Variants in PCLO observed in about 807,000 individuals in gnomAD.
PCLO encodes protein piccolo.
A neutral mutation model predicts 427.5 loss-of-function variants in PCLO; 82 were observed. The ratio of observed to expected loss-of-function variants is 0.19; its 90% CI spans 0.16 to 0.23. The LOEUF is 0.23. Among genes scored for constraint, PCLO ranks in the 10% least tolerant of loss-of-function variants. The pLI is 1.00. For synonymous variants in PCLO, 2,357 were observed against 2,155.4 expected, an observed-to-expected ratio of 1.09 and a Z score of -2.59; for missense variants, 6,239 against 6,115.9, an observed-to-expected ratio of 1.02 and a Z score of -0.67.
chr7:83,024,539 G>A (rs899961011), intron 3 of PCLO, among the ~76,000 whole-genome samples: 2 of 152,178 alleles, frequency 1.3e-5, no homozygotes, highest in South Asian at 2.1e-4. Flanking sequence ...AGGGGCGCCC[G>A]CCATTGCCCA....
At chr7:83,130,256 T>C (rs902268876) in intron 3 of PCLO, among the ~76,000 whole-genome samples, 4 of 152,176 alleles carry the variant, frequency 2.6e-5, no homozygotes, top group Non-Finnish European at 4.4e-5. Context: ...CTTAGTTCAC[T>C]GCAACCTCTG....
chr7:83,087,379 T>C (rs1475299486), intron 3 of PCLO, among the ~76,000 whole-genome samples: 1 of 151,902 alleles, frequency 6.6e-6, no homozygotes, highest in Non-Finnish European at 1.5e-5. Flanking sequence ...ATGGGAGCAC[T>C]AAAATCTCAG....
chr7:82,811,497 C>A (rs1247418382), intron 20 of PCLO, among the ~76,000 whole-genome samples: 1 of 151,380 alleles, frequency 6.6e-6, no homozygotes, highest in Non-Finnish European at 1.5e-5. Flanking sequence ...GAACGTGGAC[C>A]TGAAAATTTC....
intron 15 of PCLO, among the ~76,000 whole-genome samples, chr7:82,835,895 C>T (rs767507518): frequency 7.2e-5 from 11 of 152,076 alleles, no homozygotes; most frequent in Non-Finnish European, 1.2e-4. Context: ...CATTCCAAGG[C>T]CTTTGCTTGT....
intron 3 of PCLO, among the ~76,000 whole-genome samples, chr7:83,110,600 T>A (rs903696024): frequency 2.0e-5 from 3 of 152,192 alleles, no homozygotes; most frequent in African/African-American, 7.2e-5. Context: ...ACATCATTTC[T>A]ATTCTGATAA....
At position 82,955,705 on chromosome 7, in the gene PCLO, CTTTT is replaced by C. The variant is rs761208405; in HGVS notation, c.5244_5247del (p.Lys1749GlufsTer30). 1 of 1,613,922 alleles carries C rather than the reference CTTTT, an allele frequency of 6.2e-7. No homozygotes were observed. The highest frequency in any genetic ancestry group is 8.5e-7 in the Non-Finnish European group (1 of 1,179,862). On this transcript the variant is annotated frameshift_variant, in exon 5 of 25. Transcript: ENST00000333891. LOFTEE classifies it high-confidence loss of function. ...GCTTTGCGTTGCTGTTTGCTCTCTC[CTTTT>C]TTGTGACTCGGGCTACTGTCACTGT...
intron 1 of PCLO, among the ~76,000 whole-genome samples, chr7:83,158,562 T>A (rs552575031): frequency 2.9e-4 from 44 of 152,052 alleles, no homozygotes; most frequent in African/African-American, 1.0e-3. Context: ...TTCTTCTCTC[T>A]TGAAAATACT....
chr7:82,915,742 T>C lies in PCLO; in HGVS notation c.12244A>G (p.Thr4082Ala). 1 of 1,612,180 alleles carries C rather than the reference T, an allele frequency of 6.2e-7. No homozygotes were observed. Among genetic ancestry groups the C allele is most frequent in the Non-Finnish European group, 8.5e-7 (1 of 1,179,020 alleles). The change falls in exon 7 of 25, where the codon ACC becomes GCC. Residue 4082 changes from threonine to alanine, a missense_variant. By Grantham distance (58) the Thr-to-Ala change is moderately conservative. This residue lies in a region of PCLO where 680 missense variants were observed against 677.3 expected (regional missense o/e 1.00). Transcript: ENST00000333891. Reference protein sequence around the residue: ...DLSKTDRLLRTTETRRSQEVT... With the variant: ...DLSKTDRLLRATETRRSQEVT... ...TCTTGAGACCGGCGTGTCTCAGTGG[T>C]TCGAAGGAGACGGTCTGTTTTTGAC...
In PCLO at chr7:82,902,917, T is replaced by C. The variant is rs75215374; in HGVS notation, c.13438-176A>G. Among the ~76,000 whole-genome samples, 5 of 152,208 alleles carry C rather than the reference T, an allele frequency of 3.3e-5. No individual in the cohort carries two copies. The East Asian group carries it at 9.7e-4, about 29-fold the overall frequency. ...CACTAACACTATATAATGATATTAC[T>C]GGTTCTGAGTTCTTATGGTGTTTGC... On this transcript the variant is annotated intron_variant, in intron 8 of 24. Coordinates refer to ENST00000333891, the MANE Select transcript of PCLO (RefSeq NM_033026.6).
chr7:82,794,126 T>A (rs935816464), intron 22 of PCLO, among the ~76,000 whole-genome samples: 7 of 152,154 alleles, frequency 4.6e-5, no homozygotes, highest in Non-Finnish European at 1.0e-4. Context: ...GTAGTTAACG[T>A]ACATTAATTA....
chr7:83,075,703 G>A, intron 3 of PCLO, among the ~76,000 whole-genome samples: 1 of 151,522 alleles, frequency 6.6e-6, no homozygotes, highest in East Asian at 1.9e-4. Flanking sequence ...TAAAATTTCG[G>A]GAAATTACTC....
At chr7:83,157,632 A>G (rs1191689080) in intron 1 of PCLO, among the ~76,000 whole-genome samples, 1 of 151,786 alleles carries the variant, frequency 6.6e-6, no homozygotes, top group East Asian at 1.9e-4. Context: ...CAAAAGTCAT[A>G]TTAAATACAG....
At chr7:83,087,014 A>G (rs1051640499) in intron 3 of PCLO, among the ~76,000 whole-genome samples, 1 of 147,250 alleles carries the variant, frequency 6.8e-6, no homozygotes, top group African/African-American at 2.5e-5. Flanking sequence ...TGGGAACTGA[A>G]CAATGAAAAC....
At chr7:82,940,330 T>A (rs899998213) in intron 6 of PCLO, among the ~76,000 whole-genome samples, 1 of 152,178 alleles carries the variant, frequency 6.6e-6, no homozygotes, top group African/African-American at 2.4e-5. Context: ...TTATGCACAT[T>A]TATTCATGTC....
chr7:82,905,682 G>A (rs1378487703), intron 8 of PCLO, among the ~76,000 whole-genome samples: 1 of 151,992 alleles, frequency 6.6e-6, no homozygotes. Context: ...GCCAAGGGAT[G>A]AGTGGAGGAA....
chr7:83,043,912 C>CTTTTTTTTTTTTTT (rs869061778), intron 3 of PCLO, among the ~76,000 whole-genome samples: 77 of 94,910 alleles, frequency 8.1e-4, no homozygotes, highest in East Asian at 3.4e-3. Flanking sequence ...CTATTATTTT[C>CTTTTTTTTTTTTTT]TTTTTTTTTT....
At chr7:83,122,237 C>T (rs1192152292) in intron 3 of PCLO, among the ~76,000 whole-genome samples, 1 of 148,218 alleles carries the variant, frequency 6.7e-6, no homozygotes, top group South Asian at 2.1e-4. Context: ...CCTCTAATAT[C>T]TATAATAAGA....
At chr7:82,768,162 C>T (rs1790571114) in intron 22 of PCLO, among the ~76,000 whole-genome samples, 2 of 152,224 alleles carry the variant, frequency 1.3e-5, no homozygotes, top group South Asian at 4.2e-4. Context: ...GTGGCTCACA[C>T]CTGTAATCCC....
chr7:83,154,734 A>G lies in PCLO; in HGVS notation c.1893+14T>C, dbSNP rs2116684451. The G allele has an allele frequency of 5.0e-6, 8 of 1,597,342 alleles. No individual in the cohort carries two copies. The highest frequency in any genetic ancestry group is 1.3e-5 in the African/African-American group (1 of 74,728). On this transcript the variant is annotated intron_variant, in intron 2 of 24. Transcript: ENST00000333891. ...TGGCTGAAGAGTATGGACTCAGTGA[A>G]TAAATGCACTTACCTCCGTTAAATG...
Sources: gnomAD v4.1 joint callset for allele counts (sites outside exome capture counted in the v4.1 genomes callset) on GRCh38, gnomAD v4.1.1 for gene constraint, gnomAD v4.1.1 regional missense constraint, MANE v1.5 for transcripts, NCBI Gene and HGNC (gene_info 2026-07-23, HGNC 2026-07-21) for gene names.